Variants in DNER observed in about 807,000 individuals in gnomAD.
DNER encodes the protein delta/notch like EGF repeat containing, also known as delta and Notch-like epidermal growth factor-related receptor.
Under a neutral mutation model 78.2 loss-of-function variants are expected in DNER, and 33 were observed. The observed-to-expected ratio is 0.42, with a 90% confidence interval of 0.32 to 0.56. DNER has a LOEUF of 0.56. DNER is among the 20% of genes least tolerant of loss of function. DNER has a pLI of 0.11. For synonymous variants in DNER, 417 were observed against 384.8 expected, an observed-to-expected ratio of 1.08 and a Z score of -0.98; for missense variants, 918 against 975.3, an observed-to-expected ratio of 0.94 and a Z score of 0.78.
chr2:229,508,356 G>A (rs1275575106), intron 6 of DNER, among the ~76,000 whole-genome samples: 1 of 152,042 alleles, frequency 6.6e-6, no homozygotes, highest in Non-Finnish European at 1.5e-5. Flanking sequence ...CACAACAGAA[G>A]ACATACAAGA....
intron 8 of DNER, among the ~76,000 whole-genome samples, chr2:229,431,692 G>A (rs1424742537): frequency 1.3e-5 from 2 of 149,028 alleles, no homozygotes; most frequent in Non-Finnish European, 3.0e-5. Flanking sequence ...GCTAAATGAC[G>A]AGTTAATGGG....
intron 1 of DNER, among the ~76,000 whole-genome samples, chr2:229,652,443 A>C (rs1054048407): frequency 6.6e-6 from 1 of 152,256 alleles, no homozygotes; most frequent in African/African-American, 2.4e-5. Context: ...CATCATAGAA[A>C]GGACATGAAC....
At chr2:229,621,785 T>C (rs1390513825) in intron 1 of DNER, among the ~76,000 whole-genome samples, 1 of 152,150 alleles carries the variant, frequency 6.6e-6, no homozygotes, top group East Asian at 1.9e-4. Flanking sequence ...TCAGAATCTA[T>C]TGAAATTGCA....
intron 4 of DNER, among the ~76,000 whole-genome samples, chr2:229,584,893 C>CAAA (rs112680143): frequency 8.2e-5 from 5 of 60,714 alleles, no homozygotes; most frequent in Admixed American, 1.9e-4. Context: ...GAGATCGTCC[C>CAAA]AAAAAAAAAA....
chr2:229,441,496 G>A (rs1694234086), intron 8 of DNER, among the ~76,000 whole-genome samples: 1 of 152,084 alleles, frequency 6.6e-6, no homozygotes, highest in Non-Finnish European at 1.5e-5. Flanking sequence ...TTGAACTCTG[G>A]TTAGGTTATT....
chr2:229,373,131 A>T lies in DNER; in HGVS notation c.1856-6012T>A, dbSNP rs372821032. On this transcript the variant is annotated intron_variant, in intron 11 of 12. Transcript: ENST00000341772. ...CTAATTAAACTAAAGAGCACAGCAA[A>T]AGAAACTATTGACAGAGTAAACAGA... Among the ~76,000 whole-genome samples, 5 of 152,208 alleles carry T rather than the reference A, an allele frequency of 3.3e-5. No individual in the cohort carries two copies. In the East Asian group the frequency reaches 9.6e-4, roughly 29 times the overall value.
At chr2:229,592,480 G>A (rs1224904188) in intron 1 of DNER, among the ~76,000 whole-genome samples, 1 of 152,152 alleles carries the variant, frequency 6.6e-6, no homozygotes, top group East Asian at 1.9e-4. Context: ...ACTGTGGTGG[G>A]GACTTAAGCA....
intron 5 of DNER, among the ~76,000 whole-genome samples, chr2:229,540,080 T>C (rs17677341): frequency 0.077 from 11,714 of 152,246 alleles, 614 homozygotes; most frequent in East Asian, 0.16. Context: ...AAGTCATGTG[T>C]TCCCACAACA....
chr2:229,502,384 G>A (rs893481502), intron 6 of DNER, among the ~76,000 whole-genome samples: 1 of 152,060 alleles, frequency 6.6e-6, no homozygotes, highest in Non-Finnish European at 1.5e-5. Flanking sequence ...ACCTAGATAC[G>A]TTCCTCTTGC....
chr2:229,413,321 C>CTTCTTTTTTTT (rs1693567598), intron 9 of DNER, among the ~76,000 whole-genome samples: 30 of 67,774 alleles, frequency 4.4e-4, no homozygotes, highest in Non-Finnish European at 6.1e-4. Context: ...TTTTCTTCTT[C>CTTCTTTTTTTT]TTTTTTTTTT....
chr2:229,543,367 C>G (rs950428964), intron 5 of DNER, among the ~76,000 whole-genome samples: 4 of 152,276 alleles, frequency 2.6e-5, no homozygotes, highest in African/African-American at 7.2e-5. Flanking sequence ...AGCTTCCAGG[C>G]AGAGCCTTCT....
intron 5 of DNER, among the ~76,000 whole-genome samples, chr2:229,530,729 T>C (rs895643592): frequency 6.6e-6 from 1 of 152,236 alleles, no homozygotes; most frequent in Non-Finnish European, 1.5e-5. Flanking sequence ...ATCATTAAAC[T>C]AGAAACTCTC....
chr2:229,710,371 C>G (rs1032329053), intron 1 of DNER, among the ~76,000 whole-genome samples: 5 of 152,330 alleles, frequency 3.3e-5, no homozygotes, highest in African/African-American at 4.8e-5. Flanking sequence ...CTGTATCAAG[C>G]CAGCCTGGCT....
At chr2:229,688,580 C>T (rs1005287481) in intron 1 of DNER, among the ~76,000 whole-genome samples, 1 of 152,170 alleles carries the variant, frequency 6.6e-6, no homozygotes, top group South Asian at 2.1e-4. Context: ...CTCTAGGCAG[C>T]AGGGTGAACC....
chr2:229,495,301 T>C (rs1340144512), intron 6 of DNER, among the ~76,000 whole-genome samples: 4 of 152,192 alleles, frequency 2.6e-5, no homozygotes, highest in African/African-American at 9.7e-5. Flanking sequence ...CAATAGGAGA[T>C]ATACATAAAG....
At chr2:229,373,411 G>A (rs1396475235) in intron 11 of DNER, among the ~76,000 whole-genome samples, 5 of 152,162 alleles carry the variant, frequency 3.3e-5, no homozygotes, top group Non-Finnish European at 7.3e-5. Context: ...CGTCCCACCA[G>A]TCAGAATGGC....
At chr2:229,524,943 G>A (rs1421289689) in intron 5 of DNER, among the ~76,000 whole-genome samples, 1 of 152,172 alleles carries the variant, frequency 6.6e-6, no homozygotes. Context: ...CCTGAGACAG[G>A]GAGATGGATG....
At chr2:229,524,957 C>T (rs934320561) in intron 5 of DNER, among the ~76,000 whole-genome samples, 12 of 152,172 alleles carry the variant, frequency 7.9e-5, no homozygotes, top group African/African-American at 2.2e-4. Context: ...ATGGATGTGA[C>T]GAACTCCCTT....
chr2:229,493,692 A>T (rs1695449523), intron 6 of DNER, among the ~76,000 whole-genome samples: 1 of 152,188 alleles, frequency 6.6e-6, no homozygotes, highest in South Asian at 2.1e-4. Flanking sequence ...GTCCTTATTG[A>T]GCACCTGCTT....
Sources: gnomAD v4.1 joint callset for allele counts (sites outside exome capture counted in the v4.1 genomes callset) on GRCh38, gnomAD v4.1.1 for gene constraint, MANE v1.5 for transcripts, NCBI Gene and HGNC (gene_info 2026-07-23, HGNC 2026-07-21) for gene names.